The following CTNNA1 variants were observed in gnomAD, a reference collection of about 807,000 sequenced individuals.
The protein encoded by CTNNA1 is catenin alpha 1.
A neutral mutation model predicts 98.4 loss-of-function variants in CTNNA1; 37 were observed. The observed-to-expected ratio is 0.38, with a 90% CI of 0.29 to 0.49. CTNNA1 has a LOEUF of 0.49. Among genes scored for constraint, CTNNA1 ranks in the 20% least tolerant of loss-of-function variants. CTNNA1 has a pLI of 0.95. For synonymous variants in CTNNA1, 404 were observed against 413.2 expected (o/e 0.98, Z 0.27); for missense variants, 761 against 1,147.2 (o/e 0.66, Z 4.86).
intron 7 of CTNNA1, among the ~76,000 whole-genome samples, chr5:138,855,069 C>T (rs1763608653): frequency 6.6e-6 from 1 of 152,212 alleles, no homozygotes; most frequent in Non-Finnish European, 1.5e-5. Context: ...GACGGAGTCT[C>T]ACTCTGTCAC....
At chr5:138,924,950 T>C (rs1561757061) in intron 12 of CTNNA1, among the ~76,000 whole-genome samples, 1 of 152,222 alleles carries the variant, frequency 6.6e-6, no homozygotes, top group Non-Finnish European at 1.5e-5. Flanking sequence ...TTAAGATGAA[T>C]TTCTGAGTTA....
chr5:138,890,820 G>A (rs1176329037), intron 9 of CTNNA1, among the ~76,000 whole-genome samples: 1 of 152,196 alleles, frequency 6.6e-6, no homozygotes, highest in Non-Finnish European at 1.5e-5. Flanking sequence ...ATCAGGGCTT[G>A]CCATGCATGA....
chr5:138,794,092 A>G (rs1202506538), intron 3 of CTNNA1, among the ~76,000 whole-genome samples: 2 of 143,240 alleles, frequency 1.4e-5, no homozygotes, highest in African/African-American at 5.3e-5. Context: ...ATCTCGGCTC[A>G]CTGCAACCTC....
Position 138,873,910 on chromosome 5 carries a change from C to T in CTNNA1, c.1063-12302C>T, listed in dbSNP as rs529620639. The T allele has an allele frequency of 3.1e-6, 5 of 1,613,978 alleles. No individual in the cohort carries two copies. The South Asian group carries it at 4.4e-5, about 14-fold the overall frequency. On this transcript the variant is annotated intron_variant, in intron 7 of 17. Coordinates refer to ENST00000302763, the MANE Select transcript of CTNNA1 (RefSeq NM_001903.5). This position sits in a 1 kb window ranked among gnomAD's most constrained non-coding sequence, Gnocchi z 6.1. ...GGAAATGAGCAAAATTAATCTTCGT[C>T]AGCTGGTTGTGCTCTAGGTGAAGCT...
intron 9 of CTNNA1, among the ~76,000 whole-genome samples, chr5:138,899,715 GTT>G: frequency 6.6e-6 from 1 of 152,276 alleles, no homozygotes; most frequent in East Asian, 1.9e-4. Flanking sequence ...AGGAAACACT[GTT>G]TTGGCTGATT....
At chr5:138,924,760 A>T in intron 12 of CTNNA1, 50 bp downstream of exon 12, 1 of 1,489,470 alleles carries the variant, frequency 6.7e-7, no homozygotes, top group Non-Finnish European at 9.2e-7. Flanking sequence ...AGCCTCAGTG[A>T]GGCAGGCCAC....
chr5:138,930,418 C>T (rs1474083563), intron 14 of CTNNA1, 55 bp from the exon 15 acceptor site: 12 of 1,352,426 alleles, frequency 8.9e-6, no homozygotes, highest in Non-Finnish European at 1.2e-5. Flanking sequence ...GGCTAATGCA[C>T]TCTGAGAACT....
chr5:138,872,943 A>G (rs1750817930), intron 7 of CTNNA1: 12 of 1,110,566 alleles, frequency 1.1e-5, no homozygotes, highest in African/African-American at 3.1e-5. Context: ...AAAATTAGAT[A>G]TGTATTTAGC....
intron 7 of CTNNA1, among the ~76,000 whole-genome samples, chr5:138,849,261 CTA>C (rs921998494): frequency 1.3e-5 from 2 of 151,884 alleles, no homozygotes; most frequent in East Asian, 1.9e-4. Context: ...TATTTCCTCT[CTA>C]TTTTTTTTTA....
chr5:138,852,871 G>GCACACACACACACGCGCGCGCGCA (rs56929645), intron 7 of CTNNA1, among the ~76,000 whole-genome samples: 2 of 151,240 alleles, frequency 1.3e-5, no homozygotes, highest in Non-Finnish European at 2.9e-5. Flanking sequence ...GCGCGCGCGC[G>GCACACACACACACGCGCGCGCGCA]CACACACACA....
At chr5:138,756,193 T>G (rs1420570654) in intron 1 of CTNNA1, among the ~76,000 whole-genome samples, 1 of 151,780 alleles carries the variant, frequency 6.6e-6, no homozygotes, top group Non-Finnish European at 1.5e-5. Flanking sequence ...TGTGCCAACA[T>G]GCCTGCCTAA....
At chr5:138,862,437 C>T (rs2149887182) in intron 7 of CTNNA1, among the ~76,000 whole-genome samples, 1 of 152,338 alleles carries the variant, frequency 6.6e-6, no homozygotes, top group South Asian at 2.1e-4. Context: ...AAAGCTGAGA[C>T]ATCAATGAGA....
chr5:138,776,823 G>A (rs1431563546), intron 1 of CTNNA1, among the ~76,000 whole-genome samples: 3 of 133,592 alleles, frequency 2.2e-5, no homozygotes, highest in African/African-American at 8.9e-5. Context: ...CCTCCCTCCC[G>A]GACGGGGCGG....
intron 1 of CTNNA1, among the ~76,000 whole-genome samples, chr5:138,768,121 T>A (rs906849225): frequency 1.3e-5 from 2 of 152,234 alleles, no homozygotes; most frequent in Non-Finnish European, 2.9e-5. Context: ...CAATAAAAGA[T>A]CACATATTGC....
At position 138,924,576 on chromosome 5, in the gene CTNNA1, T is replaced by A; in HGVS notation, c.1613T>A (p.Leu538Gln). The change falls in exon 12 of 18, where the codon CTG becomes CAG. Residue 538 changes from leucine to glutamine, a missense_variant. This residue lies in a region of CTNNA1 where 287 missense variants were observed against 436.0 expected (regional missense o/e 0.66). Coordinates refer to ENST00000302763, the MANE Select transcript of CTNNA1 (RefSeq NM_001903.5). The part of the protein sequence containing the change: ...IALQEKDVDG[L>Q]DRTAGAIRGR... ...CTCCAAGAGAAGGATGTGGATGGCC[T>A]GGACCGCACAGCTGGTGCAATTCGA... 1 of 1,614,252 alleles carries A rather than the reference T, an allele frequency of 6.2e-7. No individual in the cohort carries two copies. The highest frequency in any genetic ancestry group is 8.5e-7 in the Non-Finnish European group (1 of 1,180,054).
Position 138,874,603 on chromosome 5 carries a change from G to T in CTNNA1, c.1063-11609G>T, listed in dbSNP as rs892555793. On this transcript the variant is annotated intron_variant, in intron 7 of 17. Coordinates refer to ENST00000302763, the MANE Select transcript of CTNNA1 (RefSeq NM_001903.5). This position sits in a 1 kb window ranked among gnomAD's most constrained non-coding sequence, Gnocchi z 4.1. ...AAACAAGAAGATAGGATATTTTTCA[G>T]CAGAACATATGGGCTATTTAAAAAA... The T allele has an allele frequency of 1.6e-6, 2 of 1,226,138 alleles. No homozygotes were observed. Among genetic ancestry groups the T allele is most frequent in the African/African-American group, 3.0e-5 (2 of 65,598 alleles). 76.0% of individuals were successfully genotyped at this position (1,226,138 alleles called of 1,614,324 possible). A position where few individuals can be genotyped will look rare whatever the true frequency, so the allele number is the denominator to read the frequency against.
intron 16 of CTNNA1, 118 bp downstream of exon 16, chr5:138,931,053 A>C (rs1765192661): frequency 1.5e-6 from 1 of 675,410 alleles, no homozygotes. Context: ...CATCTCTAAA[A>C]ATGGTTCTTA....
chr5:138,930,923 C>T lies in CTNNA1; in HGVS notation c.2286C>T (p.Thr762=), dbSNP rs1308995426. Residue 762 remains threonine (T), a synonymous_variant, in exon 16 of 18, where the codon ACC becomes ACT. Coordinates refer to ENST00000302763, the MANE Select transcript of CTNNA1 (RefSeq NM_001903.5). ...CCAGGATGGACAAGCTTGGCCGCACCATTGCAGACCATGTAAGTGACAGAC... is the reference window on the plus strand; with the variant it reads ...CCAGGATGGACAAGCTTGGCCGCACTATTGCAGACCATGTAAGTGACAGAC... The part of the protein sequence containing the change: ...AGSRMDKLGR[T]IADHCPDSAC... 2 of 1,611,910 alleles carry T rather than the reference C, an allele frequency of 1.2e-6. No homozygotes were observed. The highest frequency in any genetic ancestry group is 1.3e-5 in the African/African-American group (1 of 74,880).
chr5:138,848,186 G>A (rs1362389710), intron 7 of CTNNA1, among the ~76,000 whole-genome samples: 4 of 152,208 alleles, frequency 2.6e-5, no homozygotes, highest in African/African-American at 9.6e-5. Flanking sequence ...GCTGCACTGA[G>A]CATGAAAAGT....
Sources: allele counts gnomAD v4.1 joint callset (sites outside exome capture counted in the v4.1 genomes callset), GRCh38; gene constraint gnomAD v4.1.1; regional missense constraint gnomAD v4.1.1; non-coding constraint Gnocchi (gnomAD v3.1); transcripts MANE v1.5; gene names NCBI Gene and HGNC (gene_info 2026-07-23, HGNC 2026-07-21).